Variants in FSTL4 observed in about 807,000 individuals in gnomAD.
FSTL4 encodes follistatin-related protein 4.
In FSTL4, 28 loss-of-function variants were observed where a neutral mutation model predicts 78.2. The observed-to-expected ratio is 0.36, with a 90% CI of 0.27 to 0.49. The LOEUF is 0.49. Ranked by LOEUF, FSTL4 falls within the 20% of genes least tolerant of loss-of-function variation. The pLI is 0.98. For missense variants in FSTL4, 922 were observed against 1,084.9 expected (o/e 0.85, Z 2.11); for synonymous variants, 422 against 440.5 (o/e 0.96, Z 0.53).
chr5:133,717,373 T>C, the FSTL4 span, among the ~76,000 whole-genome samples: 2 of 152,260 alleles, frequency 1.3e-5, no homozygotes, highest in Admixed American at 6.5e-5. Context: ...GGCAGAAATA[T>C]GCTGATTGTT....
the FSTL4 span, among the ~76,000 whole-genome samples, chr5:133,672,241 T>C: frequency 6.6e-6 from 1 of 152,368 alleles, no homozygotes; most frequent in Non-Finnish European, 1.5e-5. Flanking sequence ...AAATGTATTA[T>C]TTGCAATGTT....
In FSTL4 at chr5:133,400,998, A is replaced by G; in HGVS notation, c.161-12T>C. 6.2e-7 allele frequency: 1 copy of G among 1,612,696 alleles called. No individual in the cohort carries two copies. On this transcript the variant is annotated splice_polypyrimidine_tract_variant and intron_variant, in intron 3 of 15. Coordinates refer to ENST00000265342, the MANE Select transcript of FSTL4 (RefSeq NM_015082.2). ...GTGGCTGGAAAGCCCTGCCAGACACACAAACACAGAGGGTCAGCTGTAAAC... is the reference window on the plus strand; with the variant it reads ...GTGGCTGGAAAGCCCTGCCAGACACGCAAACACAGAGGGTCAGCTGTAAAC...
intron 3 of FSTL4, among the ~76,000 whole-genome samples, chr5:133,513,476 T>C (rs2112890030): frequency 6.6e-6 from 1 of 152,284 alleles, no homozygotes; most frequent in Middle Eastern, 3.4e-3. Flanking sequence ...GTGTGTCCTG[T>C]GCCCATCCAT....
intron 7 of FSTL4, among the ~76,000 whole-genome samples, chr5:133,237,702 TGAGAA>T (rs1387298279): frequency 6.6e-6 from 1 of 152,220 alleles, no homozygotes. Flanking sequence ...TCATTGGATG[TGAGAA>T]GAGAAAATTA....
the FSTL4 span, among the ~76,000 whole-genome samples, chr5:133,801,426 G>A: frequency 2.3e-4 from 35 of 152,126 alleles, 1 homozygote; most frequent in South Asian, 6.2e-4. Flanking sequence ...CCACACCACC[G>A]TGTCCCAAAC....
At chr5:133,592,156 C>T (rs1182386216) in intron 2 of FSTL4, among the ~76,000 whole-genome samples, 2 of 152,156 alleles carry the variant, frequency 1.3e-5, no homozygotes, top group Admixed American at 1.3e-4. Flanking sequence ...AGAGGTCCTT[C>T]CCAATCCCAC....
chr5:133,284,715 C>G (rs966556058), intron 6 of FSTL4, among the ~76,000 whole-genome samples: 2 of 152,222 alleles, frequency 1.3e-5, no homozygotes, highest in African/African-American at 4.8e-5. Context: ...CCCCCACAGG[C>G]CAGTCTTCTT....
intron 3 of FSTL4, among the ~76,000 whole-genome samples, chr5:133,448,810 G>A (rs974785832): frequency 2.0e-5 from 3 of 150,868 alleles, no homozygotes; most frequent in Non-Finnish European, 4.4e-5. Context: ...ACACAATGAA[G>A]TTTGACACCC....
intron 3 of FSTL4, among the ~76,000 whole-genome samples, chr5:133,454,285 T>C (rs191331868): frequency 2.0e-5 from 3 of 152,364 alleles, no homozygotes; most frequent in African/African-American, 4.8e-5. Context: ...TAATGATATA[T>C]CAGTTTGGTG....
intron 2 of FSTL4, among the ~76,000 whole-genome samples, chr5:133,582,287 A>G (rs900349851): frequency 6.6e-6 from 1 of 152,190 alleles, no homozygotes; most frequent in Non-Finnish European, 1.5e-5. Flanking sequence ...CCTGCACCCC[A>G]GACCCCCGGC....
chr5:133,251,961 A>G (rs944842935), intron 6 of FSTL4, among the ~76,000 whole-genome samples: 4 of 152,136 alleles, frequency 2.6e-5, no homozygotes, highest in Admixed American at 1.3e-4. Context: ...CTCAGCTTCA[A>G]GTGACCTCAG....
rs762061919 is a variant in FSTL4, at chr5:133,199,463, C to T, written c.2161G>A (p.Glu721Lys). ...LHVQEITVRG[E>K]IQTLYDLQIN... ...TGCAGGTCATACAGGGTCTGGATCT[C>T]GCCCCGCACTGTGATCTCCTGCACG... The change falls in exon 16 of 16, where the codon GAG becomes AAG. Residue 721 changes from glutamate (E) to lysine (K), a missense_variant. Coordinates refer to ENST00000265342, the MANE Select transcript of FSTL4 (RefSeq NM_015082.2). The surrounding 1 kb of genome is among the most constrained non-coding windows in gnomAD (Gnocchi z 4.4). The T allele has an allele frequency of 2.5e-5, 40 of 1,614,074 alleles. No individual in the cohort carries two copies. The highest frequency in any genetic ancestry group is 3.1e-5 in the Non-Finnish European group (36 of 1,180,028).
At chr5:133,351,147 C>A (rs1754813673) in intron 4 of FSTL4, among the ~76,000 whole-genome samples, 1 of 152,114 alleles carries the variant, frequency 6.6e-6, no homozygotes, top group African/African-American at 2.4e-5. Flanking sequence ...TATACCTGAG[C>A]CCTTCTCGTA....
At chr5:133,646,844 C>G in the FSTL4 span, among the ~76,000 whole-genome samples, 1 of 152,072 alleles carries the variant, frequency 6.6e-6, no homozygotes, top group Admixed American at 6.6e-5. Flanking sequence ...AATGTCCCCA[C>G]AATCCCTTTA....
intron 1 of FSTL4, among the ~76,000 whole-genome samples, chr5:133,606,480 C>T (rs1239713587): frequency 6.6e-6 from 1 of 152,306 alleles, no homozygotes; most frequent in East Asian, 1.9e-4. Flanking sequence ...ATAAGTAATC[C>T]TCTTCTGAAT....
the FSTL4 span, among the ~76,000 whole-genome samples, chr5:133,802,308 GGAGA>G: frequency 6.6e-6 from 1 of 152,218 alleles, no homozygotes; most frequent in Non-Finnish European, 1.5e-5. Flanking sequence ...CAAGGAAAGA[GGAGA>G]GAGAGGGAAT....
chr5:133,798,638 C>A, the FSTL4 span, among the ~76,000 whole-genome samples: 14 of 152,140 alleles, frequency 9.2e-5, no homozygotes, highest in African/African-American at 3.4e-4. Context: ...ATGCACAGGG[C>A]TCTGACCTAG....
At chr5:133,782,603 C>A in the FSTL4 span, among the ~76,000 whole-genome samples, 5 of 152,236 alleles carry the variant, frequency 3.3e-5, no homozygotes, top group African/African-American at 1.2e-4. Context: ...GCTTCAGTAC[C>A]TCTTAACAAA....
At chr5:133,229,222 A>G (rs577610906) in intron 8 of FSTL4, among the ~76,000 whole-genome samples, 1 of 152,250 alleles carries the variant, frequency 6.6e-6, no homozygotes, top group African/African-American at 2.4e-5. Flanking sequence ...AACTCCAATT[A>G]AAAAATCAGT....
Sources: gnomAD v4.1 joint callset for allele counts (sites outside exome capture counted in the v4.1 genomes callset) on GRCh38, gnomAD v4.1.1 for gene constraint, Gnocchi (gnomAD v3.1) non-coding constraint, MANE v1.5 for transcripts, NCBI Gene and HGNC (gene_info 2026-07-23, HGNC 2026-07-21) for gene names.